Variants in ULK4 observed in about 807,000 individuals in gnomAD.
The protein encoded by ULK4 is unc-51 like kinase 4, also known as inactive serine/threonine-protein kinase ULK4.
ULK4 carries 133 observed loss-of-function variants against 160.6 expected under a neutral mutation model. The ratio of observed to expected loss-of-function variants is 0.83; its 90% CI spans 0.72 to 0.96. The LOEUF (loss-of-function observed/expected upper bound fraction) is 0.96. ULK4 is among the 40% of genes least tolerant of loss of function. The pLI is 0.00. For synonymous variants in ULK4, 534 were observed against 539.8 expected, an observed-to-expected ratio of 0.99 and a Z score of 0.15; for missense variants, 1,580 against 1,499.5, an observed-to-expected ratio of 1.05 and a Z score of -0.89.
At chr3:41,557,479 C>T (rs765967695) in intron 32 of ULK4, among the ~76,000 whole-genome samples, 38 of 151,778 alleles carry the variant, frequency 2.5e-4, no homozygotes, top group Non-Finnish European at 4.9e-4. Flanking sequence ...CAACAGATTG[C>T]GGCCAGGCAT....
At chr3:41,672,688 AAAAG>A (rs1242232842) in intron 29 of ULK4, among the ~76,000 whole-genome samples, 1 of 152,188 alleles carries the variant, frequency 6.6e-6, no homozygotes, top group Non-Finnish European at 1.5e-5. Flanking sequence ...TAAAATAGCT[AAAAG>A]AGAGAACTTG....
chr3:41,361,411 A>G (rs1027389512), intron 35 of ULK4, among the ~76,000 whole-genome samples: 1 of 152,212 alleles, frequency 6.6e-6, no homozygotes, highest in Non-Finnish European at 1.5e-5. Flanking sequence ...TCCTTACCCT[A>G]TTGTTTGAAA....
At chr3:41,882,075 C>T in intron 17 of ULK4, 1 of 641,210 alleles carries the variant, frequency 1.6e-6, no homozygotes, top group Non-Finnish European at 2.8e-6. Context: ...TTCACATGCC[C>T]TCTGCCCAGC....
intron 35 of ULK4, among the ~76,000 whole-genome samples, chr3:41,283,178 G>A (rs901394159): frequency 1.3e-5 from 2 of 152,192 alleles, no homozygotes; most frequent in East Asian, 1.9e-4. Context: ...GGAGAAATAC[G>A]AATGCTTTTA....
Position 41,931,859 on chromosome 3 carries a change from T to A in ULK4, c.526A>T (p.Lys176Ter). 6.2e-7 allele frequency: 1 copy of A among 1,614,060 alleles called. No individual in the cohort carries two copies. Among genetic ancestry groups the A allele is most frequent in the Non-Finnish European group, 8.5e-7 (1 of 1,179,948 alleles). Residue 176 changes from lysine to a stop codon, truncating the protein, a stop_gained, in exon 5 of 37, where the codon AAA becomes TAA. Coordinates refer to ENST00000301831, the MANE Select transcript of ULK4 (RefSeq NM_017886.4). LOFTEE classifies it high-confidence loss of function. ...GTCCACATACCTTTGACTCTACTTT[T>A]CATGCTTTTCTTCAGGACATTTTCC... ...NGENVLKKSM[K>*]SRVKGSPVYT...
intron 32 of ULK4, among the ~76,000 whole-genome samples, chr3:41,497,649 CA>C (rs1439474774): frequency 1.3e-5 from 2 of 152,004 alleles, no homozygotes; most frequent in African/African-American, 4.8e-5. Flanking sequence ...AAGGACATTC[CA>C]TATTGATGAT....
chr3:41,396,872 G>A (rs137996892), intron 35 of ULK4, among the ~76,000 whole-genome samples: 2 of 152,112 alleles, frequency 1.3e-5, no homozygotes, highest in Non-Finnish European at 2.9e-5. Flanking sequence ...TTGGGGTTGG[G>A]GGGGAGTCAC....
intron 17 of ULK4, among the ~76,000 whole-genome samples, chr3:41,837,875 T>G (rs1220451025): frequency 2.0e-5 from 3 of 152,200 alleles, no homozygotes; most frequent in African/African-American, 7.2e-5. Flanking sequence ...CATTCCTTCT[T>G]ATTGCTGAAC....
chr3:41,254,869 C>T (rs1157819474), intron 35 of ULK4, among the ~76,000 whole-genome samples: 3 of 147,582 alleles, frequency 2.0e-5, no homozygotes, highest in South Asian at 2.1e-4. Flanking sequence ...CGTGACAGAG[C>T]GAGACTCCAT....
Position 41,506,767 on chromosome 3 carries a change from A to AATAT in ULK4, c.3227-43518_3227-43515dup, listed in dbSNP as rs71075470. Among the ~76,000 whole-genome samples the AATAT allele has an allele frequency of 7.5e-3, 425 of 56,730 alleles. 25 individuals carry two copies. The highest frequency in any genetic ancestry group is 0.041 in the East Asian group (50 of 1,210). 37.2% of individuals were successfully genotyped at this position (56,730 alleles called of 152,430 possible). ...AGCAATACACTGGAGTGTGATTTAA[A>AATAT]ATATATATATATATATATATATATA... On this transcript the variant is annotated intron_variant, in intron 32 of 36. Transcript: ENST00000301831.
intron 30 of ULK4, among the ~76,000 whole-genome samples, chr3:41,640,300 C>G (rs2034129909): frequency 6.6e-6 from 1 of 152,136 alleles, no homozygotes; most frequent in South Asian, 2.1e-4. Flanking sequence ...TTAAAAATGA[C>G]TGGTGAATTG....
chr3:41,401,377 C>A (rs2082175401), intron 34 of ULK4, among the ~76,000 whole-genome samples: 1 of 152,142 alleles, frequency 6.6e-6, no homozygotes, highest in Non-Finnish European at 1.5e-5. Context: ...ATTGCTCCAG[C>A]ACCATTCTTG....
intron 31 of ULK4, among the ~76,000 whole-genome samples, chr3:41,600,440 T>C (rs997272805): frequency 1.3e-5 from 2 of 152,150 alleles, no homozygotes; most frequent in African/African-American, 4.8e-5. Flanking sequence ...CAGGAGAGTC[T>C]TGGAGAAGAG....
At position 41,454,715 on chromosome 3, in the gene ULK4, T is replaced by C. The variant is rs181039873; in HGVS notation, c.3492+782A>G. 2.6e-3 allele frequency among the ~76,000 whole-genome samples: 403 copies of C among 152,218 alleles called. 3 individuals carry two copies. Among genetic ancestry groups the C allele is most frequent in the African/African-American group, 9.0e-3 (373 of 41,552 alleles). The stretch of plus-strand genomic sequence containing the variant: ...TTTCTTAATTTTTAATTTTTTGAGA[T>C]GGAGTCTCGCTTTTTCACCCAGGCT... On this transcript the variant is annotated intron_variant, in intron 34 of 36. Coordinates refer to ENST00000301831, the MANE Select transcript of ULK4 (RefSeq NM_017886.4).
chr3:41,836,882 G>A (rs1352180143), intron 17 of ULK4, among the ~76,000 whole-genome samples: 1 of 152,042 alleles, frequency 6.6e-6, no homozygotes, highest in Non-Finnish European at 1.5e-5. Flanking sequence ...TCAAATCATA[G>A]TGCGACCATG....
At chr3:41,487,977 T>TA (rs58190668) in intron 32 of ULK4, among the ~76,000 whole-genome samples, 62,179 of 151,762 alleles carry the variant, frequency 0.41, 12,889 homozygotes, top group African/African-American at 0.43. Flanking sequence ...ACCAAAGAAA[T>TA]ACAAATGATC....
At chr3:41,328,176 C>A (rs1056990811) in intron 35 of ULK4, among the ~76,000 whole-genome samples, 1 of 152,138 alleles carries the variant, frequency 6.6e-6, no homozygotes, top group Non-Finnish European at 1.5e-5. Flanking sequence ...CTACTCCTGT[C>A]GAACATTATG....
chr3:41,376,562 C>T (rs988625073), intron 35 of ULK4, among the ~76,000 whole-genome samples: 3 of 149,814 alleles, frequency 2.0e-5, no homozygotes, highest in Non-Finnish European at 4.4e-5. Flanking sequence ...AAATCACAAG[C>T]ATTCTTATAC....
intron 35 of ULK4, among the ~76,000 whole-genome samples, chr3:41,378,718 C>A (rs965713446): frequency 6.6e-6 from 1 of 151,780 alleles, no homozygotes; most frequent in Non-Finnish European, 1.5e-5. Context: ...CAACATGGCA[C>A]ATATATACAT....
Sources: allele counts gnomAD v4.1 joint callset (sites outside exome capture counted in the v4.1 genomes callset), GRCh38; gene constraint gnomAD v4.1.1; transcripts MANE v1.5; gene names NCBI Gene and HGNC (gene_info 2026-07-23, HGNC 2026-07-21).